The following PTPRD variants were observed in gnomAD, a reference collection of about 807,000 sequenced individuals.
PTPRD encodes receptor-type tyrosine-protein phosphatase delta.
Under a neutral mutation model 214.5 loss-of-function variants are expected in PTPRD, and 34 were observed. The observed-to-expected ratio is 0.16, with a 90% CI of 0.12 to 0.21. The LOEUF (loss-of-function observed/expected upper bound fraction) is 0.21, where lower values mean the gene tolerates loss of function less well. Among genes scored for constraint, PTPRD ranks in the 10% least tolerant of loss-of-function variants. PTPRD has a pLI of 1.00. For missense variants in PTPRD, 2,545 were observed against 2,398.7 expected (o/e 1.06, Z -1.27); for synonymous variants, 1,128 against 845.7 (o/e 1.33, Z -5.79).
At chr9:8,326,584 A>G (rs1386238958) in intron 44 of PTPRD, among the ~76,000 whole-genome samples, 2 of 151,618 alleles carry the variant, frequency 1.3e-5, no homozygotes, top group African/African-American at 4.9e-5. Flanking sequence ...CTGGCCTCAT[A>G]AAATGAGTTA....
chr9:10,234,685 C>G lies in PTPRD; in HGVS notation c.-545+106278G>C, dbSNP rs143012175. On this transcript the variant is annotated intron_variant, in intron 3 of 45. Transcript: ENST00000381196. ...AAATAATACTTTAAAAAGTGTTTAACTTATTTAAATAAATAAGTGATCAAA... is the reference window on the plus strand; with the variant it reads ...AAATAATACTTTAAAAAGTGTTTAAGTTATTTAAATAAATAAGTGATCAAA... 5.0e-3 allele frequency among the ~76,000 whole-genome samples: 755 copies of G among 151,984 alleles called. 6 individuals carry two copies. The highest frequency in any genetic ancestry group is 0.017 in the African/African-American group (696 of 41,518).
intron 7 of PTPRD, among the ~76,000 whole-genome samples, chr9:9,644,341 T>A (rs188054095): frequency 2.0e-5 from 3 of 152,148 alleles, no homozygotes; most frequent in African/African-American, 4.8e-5. Context: ...GGCTTCTCAG[T>A]TGATTTAATG....
chr9:9,037,305 G>T (rs1452914269), intron 10 of PTPRD, among the ~76,000 whole-genome samples: 1 of 152,074 alleles, frequency 6.6e-6, no homozygotes. Context: ...CAAAATGTAT[G>T]TTTATATGTC....
intron 3 of PTPRD, among the ~76,000 whole-genome samples, chr9:10,223,009 T>C (rs2099576471): frequency 1.3e-5 from 2 of 152,032 alleles, no homozygotes; most frequent in Admixed American, 6.6e-5. Context: ...AGACAGAGAA[T>C]GAAGAGTAAA....
At chr9:10,301,266 A>C (rs779551911) in intron 3 of PTPRD, among the ~76,000 whole-genome samples, 3 of 152,190 alleles carry the variant, frequency 2.0e-5, no homozygotes, top group Non-Finnish European at 4.4e-5. Context: ...TCCGAAGGTC[A>C]CCAACATCAA....
chr9:8,836,667 G>A (rs2097431040), intron 11 of PTPRD, among the ~76,000 whole-genome samples: 1 of 130,914 alleles, frequency 7.6e-6, no homozygotes, highest in African/African-American at 2.9e-5. Context: ...CACGATCTCG[G>A]CTCACTGCAG....
chr9:9,211,984 T>C (rs1196608961), intron 9 of PTPRD, among the ~76,000 whole-genome samples: 1 of 152,162 alleles, frequency 6.6e-6, no homozygotes, highest in Admixed American at 6.6e-5. Context: ...TTAATGAACA[T>C]AAAATTTTAG....
intron 9 of PTPRD, among the ~76,000 whole-genome samples, chr9:9,364,250 A>G (rs1189644694): frequency 2.0e-5 from 3 of 151,412 alleles, no homozygotes; most frequent in African/African-American, 7.3e-5. Flanking sequence ...GTGTAGAAGT[A>G]TTCACTCAGA....
intron 3 of PTPRD, among the ~76,000 whole-genome samples, chr9:10,164,875 T>C (rs867382357): frequency 1.4e-5 from 2 of 147,734 alleles, no homozygotes; most frequent in Admixed American, 1.4e-4. Flanking sequence ...GAAGGGGACA[T>C]GGAAGTAATT....
intron 30 of PTPRD, among the ~76,000 whole-genome samples, chr9:8,473,831 T>C (rs2096709144): frequency 6.6e-6 from 1 of 152,222 alleles, no homozygotes. Context: ...CGCTGATCTC[T>C]AAAGCATTCA....
chr9:8,595,810 G>A (rs776798120), intron 14 of PTPRD, among the ~76,000 whole-genome samples: 9 of 152,110 alleles, frequency 5.9e-5, no homozygotes, highest in Non-Finnish European at 7.4e-5. Context: ...GTAATGATGC[G>A]TAATCCATGT....
At chr9:10,440,198 A>T (rs1411383188) in intron 2 of PTPRD, among the ~76,000 whole-genome samples, 1 of 151,704 alleles carries the variant, frequency 6.6e-6, no homozygotes, top group East Asian at 1.9e-4. Context: ...TTGTTATAGG[A>T]AACTATAAAA....
chr9:10,564,200 CAT>C (rs1402849674), intron 2 of PTPRD, among the ~76,000 whole-genome samples: 1 of 8,100 alleles, frequency 1.2e-4, no homozygotes, highest in Admixed American at 1.5e-3. Flanking sequence ...TTTTTTGAGA[CAT>C]AGGGGTTTCC....
chr9:10,383,804 A>G (rs2097862928), intron 2 of PTPRD, among the ~76,000 whole-genome samples: 1 of 151,900 alleles, frequency 6.6e-6, no homozygotes, highest in Non-Finnish European at 1.5e-5. Flanking sequence ...AAGTTAGCAT[A>G]ATAGGAACGA....
intron 11 of PTPRD, among the ~76,000 whole-genome samples, chr9:8,948,037 T>TC (rs2099076646): frequency 7.0e-6 from 1 of 142,820 alleles, no homozygotes; most frequent in African/African-American, 2.6e-5. Flanking sequence ...TTTTTTTTTT[T>TC]TGAGACGGAG....
intron 12 of PTPRD, chr9:8,713,634 G>A (rs529443575): frequency 2.0e-6 from 3 of 1,532,116 alleles, no homozygotes; most frequent in African/African-American, 2.7e-5. Flanking sequence ...CTGTCACCCA[G>A]TGCTACCGAG....
intron 5 of PTPRD, among the ~76,000 whole-genome samples, chr9:9,781,526 T>C (rs1288873915): frequency 6.6e-6 from 1 of 152,164 alleles, no homozygotes; most frequent in Non-Finnish European, 1.5e-5. Flanking sequence ...AGTTGCCTAA[T>C]TGAAGTATCA....
At chr9:8,553,455 G>A (rs917325456) in intron 14 of PTPRD, among the ~76,000 whole-genome samples, 3 of 152,132 alleles carry the variant, frequency 2.0e-5, no homozygotes, top group Non-Finnish European at 4.4e-5. Context: ...GTAGTGGAAT[G>A]CATTAATTCC....
intron 10 of PTPRD, among the ~76,000 whole-genome samples, chr9:9,087,668 G>A (rs986311165): frequency 1.3e-5 from 2 of 152,078 alleles, no homozygotes; most frequent in African/African-American, 4.8e-5. Flanking sequence ...ATGGGGAAGT[G>A]AATATCCCAA....
Sources: gnomAD v4.1 joint callset for allele counts (sites outside exome capture counted in the v4.1 genomes callset) on GRCh38, gnomAD v4.1.1 for gene constraint, MANE v1.5 for transcripts, NCBI Gene and HGNC (gene_info 2026-07-23, HGNC 2026-07-21) for gene names.